The following BCL7C variants were observed in gnomAD, a reference collection of about 807,000 sequenced individuals.
BCL7C encodes B-cell CLL/lymphoma 7 protein family member C.
In BCL7C, 8 loss-of-function variants were observed where a neutral mutation model predicts 26.2. The observed-to-expected ratio is 0.30, with a 90% CI of 0.18 to 0.55. The LOEUF (loss-of-function observed/expected upper bound fraction) is 0.55, where lower values mean the gene tolerates loss of function less well. Among genes scored for constraint, BCL7C ranks in the 20% least tolerant of loss-of-function variants. The pLI is 0.93. For missense variants in BCL7C, 262 were observed against 298.5 expected (o/e 0.88, Z 0.90); for synonymous variants, 90 against 116.5 (o/e 0.77, Z 1.47).
intron 5 of BCL7C, among the ~76,000 whole-genome samples, chr16:30,839,557 G>A (rs1435321945): frequency 1.3e-5 from 2 of 152,230 alleles, no homozygotes; most frequent in Admixed American, 6.5e-5. Context: ...TAGCAGAACA[G>A]GAAGTTATGA....
chr16:30,874,231 A>C (rs2054913108), intron 5 of BCL7C, among the ~76,000 whole-genome samples: 1 of 151,988 alleles, frequency 6.6e-6, no homozygotes, highest in Non-Finnish European at 1.5e-5. Flanking sequence ...CCTGACCTCA[A>C]GTGATCTGCC....
intron 5 of BCL7C, among the ~76,000 whole-genome samples, chr16:30,845,833 G>A (rs1277613818): frequency 6.6e-6 from 1 of 151,670 alleles, no homozygotes; most frequent in Non-Finnish European, 1.5e-5. Flanking sequence ...TCAGCTGGGC[G>A]CAGTGGCTCA....
At chr16:30,881,427 A>ACACACACAC (rs1567320796) in intron 5 of BCL7C, among the ~76,000 whole-genome samples, 3 of 107,822 alleles carry the variant, frequency 2.8e-5, no homozygotes, top group African/African-American at 6.3e-5. Flanking sequence ...CACACACACA[A>ACACACACAC]CAAAAAATTA....
At chr16:30,892,270 CAAAAAAAAAAAAAA>C (rs55772061) in intron 4 of BCL7C, among the ~76,000 whole-genome samples, 5 of 44,492 alleles carry the variant, frequency 1.1e-4, no homozygotes, top group Non-Finnish European at 1.4e-4. Context: ...GACCCTTTCT[CAAAAAAAAAAAAAA>C]AAAAAAAAAA....
chr16:30,837,787 G>A (rs538670411), intron 5 of BCL7C, among the ~76,000 whole-genome samples: 3 of 152,322 alleles, frequency 2.0e-5, no homozygotes, highest in East Asian at 3.9e-4. Context: ...AGAGTGCAGA[G>A]AGGAGCTTTC....
At chr16:30,870,041 T>C (rs2054869276) in intron 5 of BCL7C, among the ~76,000 whole-genome samples, 1 of 152,248 alleles carries the variant, frequency 6.6e-6, no homozygotes, top group Non-Finnish European at 1.5e-5. Context: ...CATATATCTA[T>C]ATATCTCACC....
At chr16:30,879,668 C>G (rs2055007257) in intron 5 of BCL7C, among the ~76,000 whole-genome samples, 1 of 87,494 alleles carries the variant, frequency 1.1e-5, no homozygotes, top group Non-Finnish European at 2.4e-5. Flanking sequence ...CTAGGCAACA[C>G]AGAGAGACTC....
chr16:30,854,213 T>A (rs772650446), intron 5 of BCL7C, among the ~76,000 whole-genome samples: 11 of 152,214 alleles, frequency 7.2e-5, no homozygotes, highest in Admixed American at 5.2e-4. Flanking sequence ...TTGGGATGAA[T>A]ATCACCAGTA....
chr16:30,862,079 C>T lies in BCL7C; in HGVS notation c.528+26781G>A, dbSNP rs530848989. 1.1e-4 allele frequency among the ~76,000 whole-genome samples: 17 copies of T among 151,940 alleles called. No individual in the cohort carries two copies. The East Asian group carries it at 1.5e-3, about 14-fold the overall frequency. On this transcript the variant is annotated intron_variant, in intron 5 of 5. Transcript: ENST00000380317. ...GGTCTCAATCTCCAACCTCGTGATC[C>T]GCTGCCTCGGCCTCCCAAAGTGCTG...
chr16:30,893,432 TGGA>T lies in BCL7C; in HGVS notation c.93-145_93-143del, dbSNP rs2055290092. The T allele has an allele frequency of 1.6e-6, 1 of 635,068 alleles. No individual in the cohort carries two copies. The highest frequency in any genetic ancestry group is 2.8e-5 in the Admixed American group (1 of 35,454). The allele number at this position is 635,068 out of a possible 1,614,324, so 39.3% of individuals were successfully genotyped here. A position where few individuals can be genotyped will look rare whatever the true frequency, so the allele number is the denominator to read the frequency against. ...GTTTTGCTAATGGGGCATAGTTACA[TGGA>T]GGAAGAGAGTCCTGCAAACCCCAGG... is the stretch of plus-strand genomic sequence containing the variant. On this transcript the variant is annotated intron_variant, in intron 1 of 5. Transcript: ENST00000215115. This position sits in a 1 kb window ranked among gnomAD's most constrained non-coding sequence, Gnocchi z 5.2.
rs769214350 is a variant in BCL7C at position 30,892,720 on chromosome 16, G to C, written c.308C>G (p.Ser103Trp). 8.7e-6 allele frequency: 14 copies of C among 1,614,116 alleles called. No homozygotes were observed. The Admixed American group carries it at 2.2e-4, about 25-fold the overall frequency. ...TGTGCCCTTTTGCAGGGAACCTTCCGAATGGAAACTCTGGTTGCTGTTCTC... is the reference window on the plus strand; with the variant it reads ...TGTGCCCTTTTGCAGGGAACCTTCCCAATGGAAACTCTGGTTGCTGTTCTC... ...NDENSNQSFHSEGSLQKGTEP... is the reference protein window; with the variant it reads ...NDENSNQSFHWEGSLQKGTEP... The change falls in exon 4 of 6, where the codon TCG (serine) becomes TGG (tryptophan). Residue 103 changes from serine (S) to tryptophan (W), a missense_variant. Coordinates refer to ENST00000215115, the MANE Select transcript of BCL7C (RefSeq NM_004765.4).
At chr16:30,887,709 T>C, downstream of BCL7C, 2 of 1,261,894 alleles carry the variant, frequency 1.6e-6, no homozygotes, top group Non-Finnish European at 1.1e-6. Flanking sequence ...AGAGCCTCAG[T>C]GACCACATCT....
chr16:30,885,661 C>T (rs770858041), downstream of BCL7C, among the ~76,000 whole-genome samples: 2 of 152,158 alleles, frequency 1.3e-5, no homozygotes, highest in Non-Finnish European at 2.9e-5. Flanking sequence ...ACCTCGGCCT[C>T]CCAAGGTGCT....
At chr16:30,889,536 C>A (rs1328592817) in intron 4 of BCL7C, among the ~76,000 whole-genome samples, 1 of 152,120 alleles carries the variant, frequency 6.6e-6, no homozygotes, top group Non-Finnish European at 1.5e-5. Flanking sequence ...GTCCCCCAGG[C>A]TGGAGTGCAG....
At chr16:30,870,542 G>A (rs1362176431) in intron 5 of BCL7C, among the ~76,000 whole-genome samples, 5 of 151,934 alleles carry the variant, frequency 3.3e-5, no homozygotes, top group Admixed American at 3.3e-4. Context: ...GGGTGCGGTG[G>A]CTCACGCCTG....
intron 5 of BCL7C, among the ~76,000 whole-genome samples, chr16:30,841,456 CCTG>C (rs1477161757): frequency 6.6e-6 from 1 of 152,188 alleles, no homozygotes; most frequent in African/African-American, 2.4e-5. Context: ...TCACACTGCG[CCTG>C]CTGCCAAAAG....
At chr16:30,852,599 C>T (rs1390757566) in intron 5 of BCL7C, among the ~76,000 whole-genome samples, 1 of 147,866 alleles carries the variant, frequency 6.8e-6, no homozygotes, top group Admixed American at 7.0e-5. Flanking sequence ...TCAAGTGATT[C>T]TTCTGCCTCA....
chr16:30,878,161 C>CTA (rs1042991211), intron 5 of BCL7C, among the ~76,000 whole-genome samples: 2 of 150,666 alleles, frequency 1.3e-5, no homozygotes, highest in Admixed American at 6.6e-5. Flanking sequence ...GGCGATAGAG[C>CTA]TAAACTCAAG....
chr16:30,872,597 T>C (rs941266637), intron 5 of BCL7C, among the ~76,000 whole-genome samples: 2 of 152,178 alleles, frequency 1.3e-5, no homozygotes, highest in South Asian at 2.1e-4. Flanking sequence ...AATTGTTTCA[T>C]AGAAATATTT....
Sources: allele counts gnomAD v4.1 joint callset (sites outside exome capture counted in the v4.1 genomes callset), GRCh38; gene constraint gnomAD v4.1.1; non-coding constraint Gnocchi (gnomAD v3.1); transcripts MANE v1.5; gene names NCBI Gene and HGNC (gene_info 2026-07-23, HGNC 2026-07-21).